The following BCL10 variants were observed in gnomAD, a reference collection of about 807,000 sequenced individuals.
The protein encoded by BCL10 is BCL10 immune signaling adaptor.
A neutral mutation model predicts 19.2 loss-of-function variants in BCL10; 5 were observed. The observed-to-expected ratio is 0.26, with a 90% CI of 0.14 to 0.55. The LOEUF (loss-of-function observed/expected upper bound fraction) is 0.55, where lower values mean the gene tolerates loss of function less well. Among genes scored for constraint, BCL10 ranks in the 20% least tolerant of loss-of-function variants. The pLI, the probability that BCL10 is intolerant of heterozygous loss-of-function variation, is 0.94. For missense variants in BCL10, 201 were observed against 271.9 expected (o/e 0.74, Z 1.83); for synonymous variants, 110 against 98.8 (o/e 1.11, Z -0.67).
In BCL10 at chr1:85,267,637, G is replaced by A. The variant is rs1660238042; in HGVS notation, c.692C>T (p.Ser231Leu). Residue 231 changes from serine (S) to leucine (L), a missense_variant, in exon 3 of 3, where the codon TCA (serine) becomes TTA (leucine). By Grantham distance (145) the Ser-to-Leu change is moderately radical. Around this residue, in one of 3 missense-constraint regions of BCL10, gnomAD observed 126 missense variants for 136.6 expected, o/e 0.92. Transcript: ENST00000648566. ...MFLPLRSRTV[S>L]RQ is the part of the protein sequence containing the mutation. The stretch of plus-strand genomic sequence containing the variant: ...AAAGGCAATAAAGTGTCATTGTCGT[G>A]AAACAGTACGTGATCTTAAGGGAAG... 6.3e-7 allele frequency: 1 copy of A among 1,580,630 alleles called. No homozygotes were observed. Among genetic ancestry groups the A allele is most frequent in the African/African-American group, 1.4e-5 (1 of 73,128 alleles).
intron 2 of BCL10, among the ~76,000 whole-genome samples, chr1:85,269,509 G>A (rs1660302362): frequency 6.6e-6 from 1 of 152,202 alleles, no homozygotes; most frequent in Admixed American, 6.5e-5. Context: ...CAACCTCACA[G>A]TACAGTCAGC....
Position 85,276,332 on chromosome 1 carries a change from G to T in BCL10, c.21C>A (p.Ser7=). ...CTTCAGTGAGGTCCTCCTCGGTGAG[G>T]GACGGTGCGGTGGGCTCCATGGTGG... MEPTAP[S]LTEEDLTEVK... The change falls in exon 1 of 3, where the codon TCC becomes TCA. Residue 7 remains serine, a synonymous_variant. Coordinates refer to ENST00000648566, the MANE Select transcript of BCL10 (RefSeq NM_003921.5). 6.2e-7 allele frequency: 1 copy of T among 1,613,698 alleles called. No homozygotes were observed. Among genetic ancestry groups the T allele is most frequent in the Non-Finnish European group, 8.5e-7 (1 of 1,179,708 alleles).
intron 1 of BCL10, 117 bp downstream of exon 1, chr1:85,276,179 T>C: frequency 1.5e-6 from 2 of 1,334,818 alleles, no homozygotes; most frequent in South Asian, 2.4e-5. Flanking sequence ...GTGCTAGGAC[T>C]TTCCGCTCCT....
intron 1 of BCL10, among the ~76,000 whole-genome samples, chr1:85,273,889 A>T (rs59827052): frequency 6.6e-6 from 1 of 152,108 alleles, no homozygotes; most frequent in Non-Finnish European, 1.5e-5. Flanking sequence ...ACTTGGGGGG[A>T]AAAAAACCCC....
In BCL10 at chr1:85,276,483, G is replaced by T. The variant is rs1171061843; in HGVS notation, c.-131C>A. Reference sequence around the variant, plus strand: ...AGGCGGAGCGGGTCGGGAGAAAGACGGCCGCCCCTTCGGGAACAGAGGGAC... The same window carrying T: ...AGGCGGAGCGGGTCGGGAGAAAGACTGCCGCCCCTTCGGGAACAGAGGGAC... On this transcript the variant is annotated 5_prime_UTR_variant, in exon 1 of 3. Coordinates refer to ENST00000648566, the MANE Select transcript of BCL10 (RefSeq NM_003921.5). 9.6e-7 allele frequency: 1 copy of T among 1,039,578 alleles called. No homozygotes were observed. The highest frequency in any genetic ancestry group is 1.4e-6 in the Non-Finnish European group (1 of 697,008). 64.4% of individuals were successfully genotyped at this position (1,039,578 alleles called of 1,614,324 possible).
chr1:85,273,794 CCT>C (rs1660431016), intron 1 of BCL10, among the ~76,000 whole-genome samples: 1 of 152,214 alleles, frequency 6.6e-6, no homozygotes. Flanking sequence ...CACTGGCTTC[CCT>C]GTTCTTATTC....
At chr1:85,274,460 T>C (rs947418909) in intron 1 of BCL10, among the ~76,000 whole-genome samples, 43 of 152,290 alleles carry the variant, frequency 2.8e-4, no homozygotes, top group African/African-American at 1.0e-3. Context: ...ATGTAATCCA[T>C]ATTTATTAAA....
In BCL10 at chr1:85,267,101, C is replaced by T. The variant is rs1660220552; in HGVS notation, c.*526G>A. 5.3e-6 allele frequency: 1 copy of T among 189,912 alleles called. No homozygotes were observed. The highest frequency in any genetic ancestry group is 1.1e-5 in the Non-Finnish European group (1 of 90,472). 11.8% of individuals were successfully genotyped at this position (189,912 alleles called of 1,614,324 possible). Reference sequence around the variant, plus strand: ...ACTCCATCAAGTGTTCCTCCAGTATCAAAAAGAGGCTGTTTACATGCCTAT... The same window carrying T: ...ACTCCATCAAGTGTTCCTCCAGTATTAAAAAGAGGCTGTTTACATGCCTAT... On this transcript the variant is annotated 3_prime_UTR_variant, in exon 3 of 3. Transcript: ENST00000648566.
intron 1 of BCL10, 54 bp downstream of exon 1, chr1:85,276,236 TCGTCTC>T: frequency 6.3e-7 from 1 of 1,587,462 alleles, no homozygotes; most frequent in Non-Finnish European, 8.7e-7. Context: ...GCTTCCGCTT[TCGTCTC>T]CCGCTGGGCT....
At position 85,266,203 on chromosome 1, in the gene BCL10, T is replaced by G. The variant is rs115289913; in HGVS notation, c.*1424A>C. ...TAATGGCACGTATTAAAAAAAGTTT[T>G]AGATACTTCCTACTGAAAATTTGGA... is the stretch of plus-strand genomic sequence containing the variant. On this transcript the variant is annotated 3_prime_UTR_variant, in exon 3 of 3. Coordinates refer to ENST00000648566, the MANE Select transcript of BCL10 (RefSeq NM_003921.5). 190 of 187,458 alleles carry G rather than the reference T, an allele frequency of 1.0e-3. No homozygotes were observed. Among genetic ancestry groups the G allele is most frequent in the African/African-American group, 4.4e-3 (187 of 42,876 alleles). The allele number at this position is 187,458 out of a possible 1,614,324, so 11.6% of individuals were successfully genotyped here. A position where few individuals can be genotyped will look rare whatever the true frequency, so the allele number is the denominator to read the frequency against.
At chr1:85,269,370 A>C (rs536977502) in intron 2 of BCL10, among the ~76,000 whole-genome samples, 1 of 152,342 alleles carries the variant, frequency 6.6e-6, no homozygotes, top group African/African-American at 2.4e-5. Context: ...ACACAAACAC[A>C]ATTTACCCTT....
In BCL10 at chr1:85,276,471, C is replaced by A. The variant is rs987860597; in HGVS notation, c.-119G>T. Reference sequence around the variant, plus strand: ...AAGAAGGAGAGGAGGCGGAGCGGGTCGGGAGAAAGACGGCCGCCCCTTCGG... The same window carrying A: ...AAGAAGGAGAGGAGGCGGAGCGGGTAGGGAGAAAGACGGCCGCCCCTTCGG... On this transcript the variant is annotated 5_prime_UTR_variant, in exon 1 of 3. Coordinates refer to ENST00000648566, the MANE Select transcript of BCL10 (RefSeq NM_003921.5). The A allele has an allele frequency of 1.7e-6, 2 of 1,211,862 alleles. No homozygotes were observed. The highest frequency in any genetic ancestry group is 1.3e-5 in the South Asian group (1 of 78,502). The allele number at this position is 1,211,862 out of a possible 1,614,324, so 75.1% of individuals were successfully genotyped here.
At chr1:85,272,363 A>T (rs1211798042) in intron 1 of BCL10, among the ~76,000 whole-genome samples, 1 of 151,684 alleles carries the variant, frequency 6.6e-6, no homozygotes, top group Non-Finnish European at 1.5e-5. Flanking sequence ...TTGAGTAGCT[A>T]GGACTACAGG....
intron 1 of BCL10, among the ~76,000 whole-genome samples, chr1:85,273,805 T>A (rs556133481): frequency 6.6e-6 from 1 of 152,352 alleles, no homozygotes; most frequent in South Asian, 2.1e-4. Context: ...CTGTTCTTAT[T>A]CTTGTTCTCC....
chr1:85,270,509 A>G, intron 2 of BCL10, 109 bp downstream of exon 2: 3 of 1,003,738 alleles, frequency 3.0e-6, no homozygotes, highest in Non-Finnish European at 4.4e-6. Context: ...CCTGACCTCA[A>G]GCAATCCTCC....
At chr1:85,275,629 C>A (rs140834265) in intron 1 of BCL10, among the ~76,000 whole-genome samples, 167 of 152,302 alleles carry the variant, frequency 1.1e-3, no homozygotes, top group African/African-American at 2.9e-3. Flanking sequence ...AATGTCATAT[C>A]TCAACAAAGC....
intron 1 of BCL10, 21 bp from the exon 2 acceptor site, chr1:85,270,927 T>C (rs1182307197): frequency 6.3e-7 from 1 of 1,585,848 alleles, no homozygotes; most frequent in East Asian, 2.2e-5. Context: ...TAAAATATGG[T>C]TCAATGTTAT....
At chr1:85,271,277 TAGTC>T (rs1434071712) in intron 1 of BCL10, among the ~76,000 whole-genome samples, 2 of 152,216 alleles carry the variant, frequency 1.3e-5, no homozygotes, top group Non-Finnish European at 2.9e-5. Flanking sequence ...AATGCAGAAT[TAGTC>T]AGGACCAATA....
chr1:85,273,835 G>A (rs1455638582), intron 1 of BCL10, among the ~76,000 whole-genome samples: 1 of 152,204 alleles, frequency 6.6e-6, no homozygotes, highest in African/African-American at 2.4e-5. Flanking sequence ...GAAACAGGCA[G>A]AGGGATCTTT....
Sources: allele counts gnomAD v4.1 joint callset (sites outside exome capture counted in the v4.1 genomes callset), GRCh38; gene constraint gnomAD v4.1.1; regional missense constraint gnomAD v4.1.1; transcripts MANE v1.5; gene names NCBI Gene and HGNC (gene_info 2026-07-23, HGNC 2026-07-21).